The following NKX2-5 variants were observed in gnomAD, a reference collection of about 807,000 sequenced individuals.
NKX2-5 encodes NK2 homeobox 5, also known as homeobox protein Nkx-2.5.
In NKX2-5, 3 loss-of-function variants were observed where a neutral mutation model predicts 24.5. The observed-to-expected ratio is 0.12, with a 90% CI of 0.06 to 0.32. The LOEUF (loss-of-function observed/expected upper bound fraction) is 0.32, where lower values mean the gene tolerates loss of function less well. Among genes scored for constraint, NKX2-5 ranks in the 10% least tolerant of loss-of-function variants. The pLI, the probability that NKX2-5 is intolerant of heterozygous loss-of-function variation, is 1.00. For missense variants in NKX2-5, 429 were observed against 452.4 expected (o/e 0.95, Z 0.47); for synonymous variants, 215 against 217.6 (o/e 0.99, Z 0.11).
intron 1 of NKX2-5, 35 bp from the exon 2 acceptor site, chr5:173,233,244 T>TA (rs1417503345): frequency 6.3e-7 from 1 of 1,590,804 alleles, no homozygotes; most frequent in African/African-American, 1.3e-5. Flanking sequence ...AGACGCTTGG[T>TA]AAGAGCGGCT....
chr5:173,234,920 G>A lies in NKX2-5; in HGVS notation c.164C>T (p.Ala55Val). 6.2e-7 allele frequency: 1 copy of A among 1,610,318 alleles called. No individual in the cohort carries two copies. The highest frequency in any genetic ancestry group is 8.5e-7 in the Non-Finnish European group (1 of 1,178,624). The change falls in exon 1 of 2, where the codon GCC becomes GTC. Residue 55 changes from alanine (A) to valine (V), a missense_variant. Physicochemically the swap from Ala to Val is moderately conservative, Grantham distance 64. This residue lies in a region of NKX2-5 where 240 missense variants were observed against 240.4 expected (regional missense o/e 1.00). Transcript: ENST00000329198. ...CGCAGCCGCCTCGGGCCCAGCGTAG[G>A]CCTCTGGCTTGAAGGCGGCCAGCAT... The part of the protein sequence containing the change: ...SCMLAAFKPE[A>V]YAGPEAAAPG...
intron 1 of NKX2-5, chr5:173,233,466 T>A: frequency 3.5e-6 from 5 of 1,409,120 alleles, no homozygotes; most frequent in Non-Finnish European, 4.8e-6. Flanking sequence ...GTTCACACCC[T>A]GGTGAGGGAG....
At chr5:173,234,261 G>C in intron 1 of NKX2-5, 1 of 1,205,906 alleles carries the variant, frequency 8.3e-7, no homozygotes, top group Non-Finnish European at 1.1e-6. Flanking sequence ...AGAAACCCGG[G>C]TCGTGGGTGG....
In NKX2-5 at chr5:173,235,097, G is replaced by C. The variant is rs770865706; in HGVS notation, c.-14C>G. The C allele has an allele frequency of 8.1e-6, 13 of 1,595,612 alleles. No individual in the cohort carries two copies. The highest frequency in any genetic ancestry group is 7.9e-5 in the South Asian group (7 of 89,166). ...GCTGGGGAACATGGTGGCAGCGCCA[G>C]TCTCACAGCGCCAGGTGGGCGGCAG... On this transcript the variant is annotated 5_prime_UTR_variant, in exon 1 of 2. Transcript: ENST00000329198.
Position 173,232,754 on chromosome 5 carries a change from A to G in NKX2-5, c.790T>C (p.Cys264Arg), listed in dbSNP as rs777059602. ...PAYPGYGGAA[C>R]SPGYSCTAAY... is the part of the protein sequence containing the mutation. ...GCAGTGCAGCTGTAGCCAGGGCTGC[A>G]GGCCGCGCCGCCGTAACCCGGATAG... Residue 264 changes from cysteine (C) to arginine (R), a missense_variant, in exon 2 of 2, where the codon TGC (cysteine) becomes CGC (arginine). Physicochemically the swap from Cys to Arg is radical, Grantham distance 180 (BLOSUM62 -3). This residue lies in a region of NKX2-5 where 183 missense variants were observed against 185.9 expected (regional missense o/e 0.98). Transcript: ENST00000329198. The surrounding 1 kb of genome is among the most constrained non-coding windows in gnomAD (Gnocchi z 5.9). The G allele has an allele frequency of 1.9e-6, 3 of 1,604,128 alleles. No individual in the cohort carries two copies. The highest frequency in any genetic ancestry group is 2.2e-5 in the South Asian group (2 of 90,494).
In NKX2-5 at chr5:173,234,775, G is replaced by A. The variant is rs759221178; in HGVS notation, c.309C>T (p.Ala103=). Residue 103 remains alanine, a synonymous_variant, in exon 1 of 2, where the codon GCC becomes GCT. Coordinates refer to ENST00000329198, the MANE Select transcript of NKX2-5 (RefSeq NM_004387.4). Reference sequence around the variant, plus strand: ...CTTTCTTTTCGGCTCTAGGGTCCTTGGCTGGGTCGGGGTCGCTGTAGGCAC... The same window carrying A: ...CTTTCTTTTCGGCTCTAGGGTCCTTAGCTGGGTCGGGGTCGCTGTAGGCAC... ...YPRAYSDPDP[A]KDPRAEKKEL... 124 of 1,564,170 alleles carry A rather than the reference G, an allele frequency of 7.9e-5. 2 individuals are homozygous for A. In the East Asian group the frequency reaches 2.9e-3, roughly 36 times the overall value.
At position 173,235,040 on chromosome 5, in the gene NKX2-5, TTGAC is replaced by T. The variant is rs1238882576; in HGVS notation, c.40_43del (p.Val14LysfsTer4). On this transcript the variant is annotated frameshift_variant, in exon 1 of 2. Transcript: ENST00000329198. LOFTEE classifies it high-confidence loss of function. ...CTGCTGTTCCAGGTTTAGGATGTCT[TTGAC>T]TGAGAAGGGCGTGGGCGTGAGAGCA... The T allele has an allele frequency of 1.2e-6, 2 of 1,611,628 alleles. No homozygotes were observed. The highest frequency in any genetic ancestry group is 1.3e-5 in the African/African-American group (1 of 74,662).
In NKX2-5 at chr5:173,232,658, C is replaced by G; in HGVS notation, c.886G>C (p.Gly296Arg). 6.2e-7 allele frequency: 1 copy of G among 1,612,692 alleles called. No individual in the cohort carries two copies. The highest frequency in any genetic ancestry group is 8.5e-7 in the Non-Finnish European group (1 of 1,179,246). The change falls in exon 2 of 2, where the codon GGC becomes CGC. Residue 296 changes from glycine (G) to arginine (R), a missense_variant. Physicochemically the swap from Gly to Arg is moderately radical, Grantham distance 125. Transcript: ENST00000329198. The surrounding 1 kb of genome is among the most constrained non-coding windows in gnomAD (Gnocchi z 5.9). ...AAANNNFVNF[G>R]VGDLNAVQSP... ...TGAACCGCATTCAAGTCCCCGACGC[C>G]GAAGTTCACGAAGTTGTTGTTGGCG...
intron 1 of NKX2-5, 122 bp from the exon 2 acceptor site, chr5:173,233,331 G>T (rs1156872524): frequency 1.6e-5 from 25 of 1,537,188 alleles, no homozygotes. Context: ...GGAGCGCCCA[G>T]CTGGCTGCGG....
At position 173,233,156 on chromosome 5, in the gene NKX2-5, C is replaced by T. The variant is rs1761363955; in HGVS notation, c.388G>A (p.Ala130Thr). 6.2e-7 allele frequency: 1 copy of T among 1,603,038 alleles called. No homozygotes were observed. The highest frequency in any genetic ancestry group is 8.5e-7 in the Non-Finnish European group (1 of 1,177,660). ...VELEKTEADN[A>T]ERPRARRRRK... ...CGCCGTCGCGCCCGGGGCCGCTCCG[C>T]GTTGTCCGCCTCTGTCTTCTCCAGC... Residue 130 changes from alanine to threonine, a missense_variant, in exon 2 of 2, where the codon GCG becomes ACG. By Grantham distance (58) the Ala-to-Thr change is moderately conservative. Transcript: ENST00000329198.
At position 173,234,739 on chromosome 5, in the gene NKX2-5, TTCC is replaced by T; in HGVS notation, c.334+8_334+10del. 1.3e-6 allele frequency: 2 copies of T among 1,506,706 alleles called. No homozygotes were observed. The highest frequency in any genetic ancestry group is 8.8e-7 in the Non-Finnish European group (1 of 1,130,188). The allele number at this position is 1,506,706 out of a possible 1,614,324, so 93.3% of individuals were successfully genotyped here. A position where few individuals can be genotyped will look rare whatever the true frequency, so the allele number is the denominator to read the frequency against. On this transcript the variant is annotated splice_region_variant and intron_variant, in intron 1 of 1. Coordinates refer to ENST00000329198, the MANE Select transcript of NKX2-5 (RefSeq NM_004387.4). Reference sequence around the variant, plus strand: ...CAGGAGGGGAGAAGGGGGCCTGTGTTTCCTCCTCACCTTTCTTTTCGGCTCTAG... The same window carrying T: ...CAGGAGGGGAGAAGGGGGCCTGTGTTTCCTCACCTTTCTTTTCGGCTCTAG...
chr5:173,232,809 G>A lies in NKX2-5; in HGVS notation c.735C>T (p.Leu245=). 1 of 1,611,956 alleles carries A rather than the reference G, an allele frequency of 6.2e-7. No homozygotes were observed. Among genetic ancestry groups the A allele is most frequent in the Non-Finnish European group, 8.5e-7 (1 of 1,179,520 alleles). ...GGTAGGCGTTATAACCGTAGGGATT[G>A]AGGCCCACGCCGTAGGCAGGCGCGT... ...APYAPAYGVG[L]NPYGYNAYPA... The change falls in exon 2 of 2, where the codon CTC becomes CTT. Residue 245 remains leucine, a synonymous_variant. Transcript: ENST00000329198. The surrounding 1 kb of genome is among the most constrained non-coding windows in gnomAD (Gnocchi z 5.9).
Position 173,232,245 on chromosome 5 carries a change from G to C in NKX2-5, c.*324C>G, listed in dbSNP as rs1047945251. ...GCGCCCGGCCCTGGCTCGCGGAATG[G>C]GCGGCCAGATCTCAGGCCCTGCGTG... is the stretch of plus-strand genomic sequence containing the variant. On this transcript the variant is annotated 3_prime_UTR_variant, in exon 2 of 2. Coordinates refer to ENST00000329198, the MANE Select transcript of NKX2-5 (RefSeq NM_004387.4). The surrounding 1 kb of genome is among the most constrained non-coding windows in gnomAD (Gnocchi z 5.9). 3 of 380,656 alleles carry C rather than the reference G, an allele frequency of 7.9e-6. No individual in the cohort carries two copies. The highest frequency in any genetic ancestry group is 9.5e-6 in the Non-Finnish European group (2 of 210,976). The allele number at this position is 380,656 out of a possible 1,614,324, so 23.6% of individuals were successfully genotyped here. A position where few individuals can be genotyped will look rare whatever the true frequency, so the allele number is the denominator to read the frequency against.
chr5:173,233,748 C>A (rs1043913197), intron 1 of NKX2-5: 2 of 757,782 alleles, frequency 2.6e-6, no homozygotes, highest in African/African-American at 3.8e-5. Context: ...GTCCAAGAAG[C>A]TGCGGGTGGG....
intron 1 of NKX2-5, chr5:173,234,374 A>G (rs991416911): frequency 7.8e-6 from 7 of 892,134 alleles, no homozygotes; most frequent in Non-Finnish European, 5.4e-6. Flanking sequence ...GATCTTTAAA[A>G]AGATTCGTAA....
chr5:173,234,979 G>A lies in NKX2-5; in HGVS notation c.105C>T (p.Ala35=). 1.2e-6 allele frequency: 2 copies of A among 1,612,186 alleles called. No individual in the cohort carries two copies. Among genetic ancestry groups the A allele is most frequent in the Non-Finnish European group, 1.7e-6 (2 of 1,179,614 alleles). The change falls in exon 1 of 2, where the codon GCC becomes GCT. Residue 35 remains alanine, a synonymous_variant. Coordinates refer to ENST00000329198, the MANE Select transcript of NKX2-5 (RefSeq NM_004387.4). ...RSLAAAGELS[A]RLEATLAPSS... The stretch of plus-strand genomic sequence containing the variant: ...AGGGCGCCAGGGTCGCCTCCAGGCG[G>A]GCAGAGAGCTCTCCGGCGGCAGCCA...
rs2113900696 is a variant in NKX2-5, at chr5:173,232,650, C to T, written c.894G>A (p.Gly298=). 6.2e-7 allele frequency: 1 copy of T among 1,613,130 alleles called. No individual in the cohort carries two copies. Among genetic ancestry groups the T allele is most frequent in the Non-Finnish European group, 8.5e-7 (1 of 1,179,506 alleles). Residue 298 remains glycine (G), a synonymous_variant, in exon 2 of 2, where the codon GGG becomes GGA. Coordinates refer to ENST00000329198, the MANE Select transcript of NKX2-5 (RefSeq NM_004387.4). This position sits in a 1 kb window ranked among gnomAD's most constrained non-coding sequence, Gnocchi z 5.9. ...CGGGGCTCTGAACCGCATTCAAGTC[C>T]CCGACGCCGAAGTTCACGAAGTTGT... is the stretch of plus-strand genomic sequence containing the variant. The part of the protein sequence containing the change: ...ANNNFVNFGV[G]DLNAVQSPGI...
At position 173,232,482 on chromosome 5, in the gene NKX2-5, G is replaced by T; in HGVS notation, c.*87C>A. ...TGAATGCAAAATCCAGGGGACTCAG[G>T]GTCATGTTGGGAGCCCCTTCTCCCC... On this transcript the variant is annotated 3_prime_UTR_variant, in exon 2 of 2. Coordinates refer to ENST00000329198, the MANE Select transcript of NKX2-5 (RefSeq NM_004387.4). The surrounding 1 kb of genome is among the most constrained non-coding windows in gnomAD (Gnocchi z 5.9). 6.4e-7 allele frequency: 1 copy of T among 1,564,962 alleles called. No homozygotes were observed. Among genetic ancestry groups the T allele is most frequent in the Admixed American group, 1.9e-5 (1 of 53,686 alleles).
At chr5:173,233,942 C>A in intron 1 of NKX2-5, 4 of 1,188,922 alleles carry the variant, frequency 3.4e-6, no homozygotes, top group Non-Finnish European at 4.2e-6. Flanking sequence ...CGGGAATCGC[C>A]CGGGCTCCTG....
Sources: allele counts gnomAD v4.1 joint callset, GRCh38; gene constraint gnomAD v4.1.1; regional missense constraint gnomAD v4.1.1; non-coding constraint Gnocchi (gnomAD v3.1); transcripts MANE v1.5; gene names NCBI Gene and HGNC (gene_info 2026-07-23, HGNC 2026-07-21).